The following MANEA variants were observed in gnomAD, a reference collection of about 807,000 sequenced individuals.
The protein encoded by MANEA is glycoprotein endo-alpha-1,2-mannosidase.
MANEA carries 25 observed loss-of-function variants against 36.8 expected under a neutral mutation model. The ratio of observed to expected loss-of-function variants is 0.68; its 90% CI spans 0.50 to 0.95. MANEA has a LOEUF of 0.95. Ranked by LOEUF, MANEA falls within the 40% of genes least tolerant of loss-of-function variation. The pLI, the probability that MANEA is intolerant of heterozygous loss-of-function variation, is 0.00. For missense variants in MANEA, 565 were observed against 558.8 expected (o/e 1.01, Z -0.11); for synonymous variants, 198 against 188.5 (o/e 1.05, Z -0.41).
At chr6:95,589,890 T>A (rs1769355586) in intron 2 of MANEA, 1 of 152,138 alleles carries the variant, frequency 6.6e-6, no homozygotes, top group East Asian at 1.9e-4. Context: ...TATCCTTCAT[T>A]ATTTGGGTAC....
chr6:95,587,851 C>T lies in MANEA; in HGVS notation c.544+868C>T, dbSNP rs113288730. ...CTGTTTATTTTCCATTTGTCCCACA[C>T]GTCTGTTTCTTTTTTTCCTTCTTTT... On this transcript the variant is annotated intron_variant, in intron 2 of 4. Coordinates refer to ENST00000358812, the MANE Select transcript of MANEA (RefSeq NM_024641.4). Among the ~76,000 whole-genome samples the T allele has an allele frequency of 7.2e-3, 1,102 of 152,002 alleles. 14 individuals carry two copies. The highest frequency in any genetic ancestry group is 0.025 in the African/African-American group (1,057 of 41,490).
chr6:95,597,259 T>C (rs1445223804), intron 3 of MANEA, among the ~76,000 whole-genome samples: 1 of 152,088 alleles, frequency 6.6e-6, no homozygotes, highest in Non-Finnish European at 1.5e-5. Context: ...CCTTATTTAA[T>C]GTGCATACAC....
At chr6:95,604,183 T>C (rs141922054) in intron 3 of MANEA, among the ~76,000 whole-genome samples, 1 of 151,776 alleles carries the variant, frequency 6.6e-6, no homozygotes, top group Admixed American at 6.6e-5. Context: ...GATTTCATTA[T>C]AAATTCTTTA....
At position 95,604,826 on chromosome 6, in the gene MANEA, G is replaced by A. The variant is rs1167919595; in HGVS notation, c.655-1G>A. On this transcript the variant is annotated splice_acceptor_variant, in intron 3 of 4. Coordinates refer to ENST00000358812, the MANE Select transcript of MANEA (RefSeq NM_024641.4). LOFTEE classifies it high-confidence loss of function. ...CTAACTGATTTTATTGTTTGTTTTA[G>A]GTTACTTTTCACATAGAACCATATA... 4.3e-6 allele frequency: 6 copies of A among 1,386,078 alleles called. No individual in the cohort carries two copies. Among genetic ancestry groups the A allele is most frequent in the Non-Finnish European group, 5.9e-6 (6 of 1,018,376 alleles). The allele number at this position is 1,386,078 out of a possible 1,614,324, so 85.9% of individuals were successfully genotyped here.
At chr6:95,596,262 T>C (rs901431143) in intron 2 of MANEA, among the ~76,000 whole-genome samples, 1 of 152,090 alleles carries the variant, frequency 6.6e-6, no homozygotes, top group African/African-American at 2.4e-5. Context: ...GCTACTCTAA[T>C]GGAGAGCATA....
chr6:95,588,372 G>A (rs1399875292), intron 2 of MANEA: 3 of 151,926 alleles, frequency 2.0e-5, no homozygotes, highest in African/African-American at 7.2e-5. Context: ...AAGATGAGTT[G>A]TTTTCCTTGT....
In MANEA at chr6:95,609,442, A is replaced by G. The variant is rs1244775157; in HGVS notation, c.*3037A>G. ...TTTTACCTAATAAAAACATAGATGAAATACATTGTATTTTAGATATTAAAG... is the reference window on the plus strand; with the variant it reads ...TTTTACCTAATAAAAACATAGATGAGATACATTGTATTTTAGATATTAAAG... On this transcript the variant is annotated 3_prime_UTR_variant, in exon 5 of 5. Coordinates refer to ENST00000358812, the MANE Select transcript of MANEA (RefSeq NM_024641.4). 1 of 151,718 alleles carries G rather than the reference A, an allele frequency of 6.6e-6. No homozygotes were observed. Among genetic ancestry groups the G allele is most frequent in the Non-Finnish European group, 1.5e-5 (1 of 67,692 alleles). The allele number at this position is 151,718 out of a possible 1,614,324, so 9.4% of individuals were successfully genotyped here. A position where few individuals can be genotyped will look rare whatever the true frequency, so the allele number is the denominator to read the frequency against.
intron 3 of MANEA, among the ~76,000 whole-genome samples, chr6:95,599,711 G>T (rs930970800): frequency 1.3e-5 from 2 of 152,144 alleles, no homozygotes; most frequent in African/African-American, 4.8e-5. Flanking sequence ...GGAACTGTAG[G>T]GAGTGAGAAA....
chr6:95,593,452 C>G (rs1472068283), intron 2 of MANEA, among the ~76,000 whole-genome samples: 1 of 152,090 alleles, frequency 6.6e-6, no homozygotes, highest in African/African-American at 2.4e-5. Flanking sequence ...AATTACTAGA[C>G]CAAGAATGGG....
Position 95,596,785 on chromosome 6 carries a change from G to A in MANEA, c.593G>A (p.Gly198Glu), listed in dbSNP as rs375303877. ...WYPPDVNDEN[G>E]EPTDNLVPTI... ...CCACCTGATGTAAATGATGAAAATG[G>A]AGAACCTACTGATAACTTGGTACCC... Residue 198 changes from glycine (G) to glutamate (E), a missense_variant, in exon 3 of 5, where the codon GGA becomes GAA. Physicochemically the swap from Gly to Glu is moderately conservative, Grantham distance 98. Coordinates refer to ENST00000358812, the MANE Select transcript of MANEA (RefSeq NM_024641.4). The A allele has an allele frequency of 2.0e-5, 32 of 1,609,012 alleles. No homozygotes were observed. The East Asian group carries it at 2.0e-4, about 10-fold the overall frequency.
In MANEA at chr6:95,586,494, A is replaced by AT; in HGVS notation, c.59dup (p.Ser21LeufsTer23). The AT allele has an allele frequency of 6.2e-7, 1 of 1,613,460 alleles. No homozygotes were observed. The highest frequency in any genetic ancestry group is 8.5e-7 in the Non-Finnish European group (1 of 1,179,840). ...CATTTTGGCACTTTTTATTCTATTT[A>AT]TTTTCTCTCTGATGATGGGTTTAAA... On this transcript the variant is annotated frameshift_variant, in exon 2 of 5. Transcript: ENST00000358812. LOFTEE classifies it high-confidence loss of function.
intron 2 of MANEA, among the ~76,000 whole-genome samples, chr6:95,589,047 C>A (rs1418183534): frequency 6.6e-6 from 1 of 151,778 alleles, no homozygotes; most frequent in Non-Finnish European, 1.5e-5. Flanking sequence ...ACTACGGATG[C>A]AAATATTTTA....
rs1049655120 is a variant in MANEA at position 95,586,384 on chromosome 6, T to C, written c.-38-18T>C. 1.4e-6 allele frequency: 2 copies of C among 1,413,468 alleles called. No individual in the cohort carries two copies. Among genetic ancestry groups the C allele is most frequent in the Non-Finnish European group, 1.9e-6 (2 of 1,033,592 alleles). 87.6% of individuals were successfully genotyped at this position (1,413,468 alleles called of 1,614,324 possible). On this transcript the variant is annotated intron_variant, in intron 1 of 4. Transcript: ENST00000358812. ...TGTTGATAACACTTACTAATTATCT[T>C]TTTTCAATAAATTGCAGCAAAACAC... is the stretch of plus-strand genomic sequence containing the variant.
intron 2 of MANEA, among the ~76,000 whole-genome samples, chr6:95,589,349 A>G (rs568914628): frequency 2.6e-5 from 4 of 152,196 alleles, no homozygotes; most frequent in African/African-American, 7.2e-5. Context: ...TTTAACATTC[A>G]TATTTTTCCT....
intron 2 of MANEA, among the ~76,000 whole-genome samples, chr6:95,592,393 AT>A (rs2127941461): frequency 6.6e-6 from 1 of 152,230 alleles, no homozygotes; most frequent in South Asian, 2.1e-4. Context: ...ATTCCAACGT[AT>A]CTCATTTGTG....
At chr6:95,582,816 T>G (rs535945379) in intron 1 of MANEA, among the ~76,000 whole-genome samples, 4 of 152,192 alleles carry the variant, frequency 2.6e-5, no homozygotes, top group Non-Finnish European at 5.9e-5. Context: ...GGTGTACATA[T>G]ATGTATGAAT....
chr6:95,601,449 T>C (rs1769588394), intron 3 of MANEA, among the ~76,000 whole-genome samples: 1 of 152,190 alleles, frequency 6.6e-6, no homozygotes, highest in Admixed American at 6.5e-5. Context: ...GTATACTATG[T>C]GCTTGCATGA....
intron 3 of MANEA, among the ~76,000 whole-genome samples, chr6:95,603,051 A>AT (rs1769628361): frequency 6.6e-6 from 1 of 150,502 alleles, no homozygotes; most frequent in Non-Finnish European, 1.5e-5. Flanking sequence ...AAAAAAAAAA[A>AT]ATTGCAAAGT....
chr6:95,599,056 A>C (rs1769538484), intron 3 of MANEA, among the ~76,000 whole-genome samples: 1 of 152,186 alleles, frequency 6.6e-6, no homozygotes, highest in Non-Finnish European at 1.5e-5. Context: ...ATTATATTAG[A>C]TAATATATGT....
Sources: gnomAD v4.1 joint callset for allele counts (sites outside exome capture counted in the v4.1 genomes callset) on GRCh38, gnomAD v4.1.1 for gene constraint, MANE v1.5 for transcripts, NCBI Gene and HGNC (gene_info 2026-07-23, HGNC 2026-07-21) for gene names.